NDUFA13: variants seen among roughly 807,000 people sequenced by gnomAD.
NDUFA13 encodes the protein NADH:ubiquinone oxidoreductase subunit A13.
NDUFA13 carries 16 observed loss-of-function variants against 17.0 expected under a neutral mutation model. The observed-to-expected ratio is 0.94, with a 90% CI of 0.64 to 1.43. The LOEUF is 1.43. Among genes scored for constraint, NDUFA13 ranks in the 40% most tolerant of loss-of-function variants. The pLI is 0.00. For missense variants in NDUFA13, 228 were observed against 206.7 expected (o/e 1.10, Z -0.63); for synonymous variants, 87 against 78.4 (o/e 1.11, Z -0.58).
intron 1 of NDUFA13, among the ~76,000 whole-genome samples, chr19:19,521,238 T>C (rs1265622050): frequency 6.6e-6 from 1 of 152,236 alleles, no homozygotes; most frequent in Non-Finnish European, 1.5e-5. Flanking sequence ...TCCTAGCGCA[T>C]GTGAAGCGGT....
intron 2 of NDUFA13, 61 bp from the exon 3 acceptor site, chr19:19,527,220 C>T: frequency 6.4e-7 from 1 of 1,553,408 alleles, no homozygotes. Context: ...GAGGTCTGTG[C>T]TGCCTGTGCT....
At chr19:19,526,354 G>A in intron 2 of NDUFA13, 94 bp downstream of exon 2, 1 of 1,386,702 alleles carries the variant, frequency 7.2e-7, no homozygotes, top group South Asian at 1.2e-5. Context: ...GGCGAGGGGT[G>A]AACGGGCCCC....
intron 1 of NDUFA13, among the ~76,000 whole-genome samples, chr19:19,524,054 C>CGCTGCGACCAGGT (rs67644947): frequency 6.6e-6 from 1 of 151,920 alleles, no homozygotes; most frequent in Non-Finnish European, 1.5e-5. Flanking sequence ...AAGCGTGAGC[C>CGCTGCGACCAGGT]GAAAAAATTT....
At chr19:19,516,737 G>T (rs929004916) in intron 1 of NDUFA13, among the ~76,000 whole-genome samples, 2 of 152,198 alleles carry the variant, frequency 1.3e-5, no homozygotes, top group Non-Finnish European at 2.9e-5. Flanking sequence ...GTGGTTCCCT[G>T]CTGGCAGCCC....
At chr19:19,518,355 C>G (rs968942903) in intron 1 of NDUFA13, among the ~76,000 whole-genome samples, 1 of 151,638 alleles carries the variant, frequency 6.6e-6, no homozygotes, top group Non-Finnish European at 1.5e-5. Context: ...CTGTCTCAGC[C>G]TCCCGAGTAG....
intron 2 of NDUFA13, chr19:19,526,697 G>C: frequency 3.1e-6 from 1 of 317,618 alleles, no homozygotes; most frequent in East Asian, 8.2e-5. Context: ...ACACCAGGCA[G>C]TGGACACACA....
chr19:19,517,512 GAATGCATGT>G (rs2061055599), intron 1 of NDUFA13, among the ~76,000 whole-genome samples: 1 of 152,080 alleles, frequency 6.6e-6, no homozygotes, highest in Non-Finnish European at 1.5e-5. Flanking sequence ...GTGCTCGGCA[GAATGCATGT>G]CTCTTAACAA....
At chr19:19,519,662 T>A (rs1232884006) in intron 1 of NDUFA13, among the ~76,000 whole-genome samples, 1 of 152,230 alleles carries the variant, frequency 6.6e-6, no homozygotes, top group African/African-American at 2.4e-5. Flanking sequence ...TTCTAGTTGT[T>A]GGTGAGGCCT....
intron 3 of NDUFA13, 43 bp from the exon 4 acceptor site, chr19:19,527,656 CAG>C (rs921956748): frequency 6.7e-7 from 1 of 1,493,556 alleles, no homozygotes; most frequent in African/African-American, 1.4e-5. Context: ...AGGGGCCCCT[CAG>C]GGCACTGAGG....
intron 1 of NDUFA13, among the ~76,000 whole-genome samples, chr19:19,522,552 C>T (rs1260815126): frequency 7.2e-6 from 1 of 137,934 alleles, no homozygotes; most frequent in African/African-American, 2.8e-5. Context: ...GATCTAGGCT[C>T]ACTGCAAGCT....
chr19:19,526,352 G>C, intron 2 of NDUFA13, 92 bp downstream of exon 2: 2 of 1,402,648 alleles, frequency 1.4e-6, no homozygotes, highest in Non-Finnish European at 2.0e-6. Flanking sequence ...CTGGCGAGGG[G>C]TGAACGGGCC....
chr19:19,517,854 C>T (rs927517572), intron 1 of NDUFA13, among the ~76,000 whole-genome samples: 10 of 152,088 alleles, frequency 6.6e-5, no homozygotes, highest in South Asian at 2.1e-4. Context: ...TATCCCAGAA[C>T]TGAGATTGGC....
intron 1 of NDUFA13, among the ~76,000 whole-genome samples, chr19:19,517,252 T>C (rs1270722397): frequency 1.3e-5 from 2 of 151,920 alleles, no homozygotes; most frequent in African/African-American, 2.4e-5. Flanking sequence ...TTCTTTTTTT[T>C]TTTTTAAGAC....
Position 19,526,317 on chromosome 19 carries a change from C to T in NDUFA13, c.173+57C>T, listed in dbSNP as rs866767291. 16 of 1,577,372 alleles carry T rather than the reference C, an allele frequency of 1.0e-5. No individual in the cohort carries two copies. In the African/African-American group the frequency reaches 1.6e-4, roughly 16 times the overall value. The stretch of plus-strand genomic sequence containing the variant: ...GCCCCCCCGGCGAGTTGTCGGGGTC[C>T]TGTAGCATTCCGCTGTTGTCTGTGC... On this transcript the variant is annotated intron_variant, in intron 2 of 4. Coordinates refer to ENST00000507754, the MANE Select transcript of NDUFA13 (RefSeq NM_015965.7).
chr19:19,527,896 G>A (rs756269693), intron 4 of NDUFA13, 111 bp from the exon 5 acceptor site: 8 of 1,496,452 alleles, frequency 5.3e-6, no homozygotes, highest in Non-Finnish European at 7.4e-6. Flanking sequence ...GGTCCCACAA[G>A]GGAAGGCTGT....
At position 19,526,239 on chromosome 19, in the gene NDUFA13, T is replaced by G; in HGVS notation, c.152T>G (p.Met51Arg). 1 of 1,614,126 alleles carries G rather than the reference T, an allele frequency of 6.2e-7. No homozygotes were observed. Among genetic ancestry groups the G allele is most frequent in the Non-Finnish European group, 8.5e-7 (1 of 1,180,016 alleles). The change falls in exon 2 of 5, where the codon ATG (methionine) becomes AGG (arginine). Residue 51 changes from methionine to arginine, a missense_variant. Met to Arg is a moderately conservative substitution (Grantham distance 91). Coordinates refer to ENST00000507754, the MANE Select transcript of NDUFA13 (RefSeq NM_015965.7). Reference sequence around the variant, plus strand: ...CTGATCTACGGGCACTGGAGCATAATGAAGTGGAACCGTGAGCGCAGGTAG... The same window carrying G: ...CTGATCTACGGGCACTGGAGCATAAGGAAGTGGAACCGTGAGCGCAGGTAG... The part of the protein sequence containing the change: ...GTLIYGHWSI[M>R]KWNRERRRLQ...
chr19:19,521,511 T>G, intron 1 of NDUFA13, among the ~76,000 whole-genome samples: 2 of 152,266 alleles, frequency 1.3e-5, no homozygotes, highest in Non-Finnish European at 2.9e-5. Flanking sequence ...AACCACCACC[T>G]TTGCATGTGT....
chr19:19,523,126 A>T (rs1247909073), intron 1 of NDUFA13, among the ~76,000 whole-genome samples: 1 of 152,232 alleles, frequency 6.6e-6, no homozygotes, highest in African/African-American at 2.4e-5. Flanking sequence ...TTCCATATGA[A>T]TTTCCCAACC....
At chr19:19,522,586 C>A (rs2061083158) in intron 1 of NDUFA13, among the ~76,000 whole-genome samples, 1 of 145,038 alleles carries the variant, frequency 6.9e-6, no homozygotes, top group Admixed American at 7.1e-5. Context: ...TCACGCCATT[C>A]TCCTGCCTCA....
Sources: gnomAD v4.1 joint callset for allele counts (sites outside exome capture counted in the v4.1 genomes callset) on GRCh38, gnomAD v4.1.1 for gene constraint, MANE v1.5 for transcripts, NCBI Gene and HGNC (gene_info 2026-07-23, HGNC 2026-07-21) for gene names.